WDR49: variants seen among roughly 807,000 people sequenced by gnomAD.
WDR49 encodes the protein WD repeat domain 49.
Under a neutral mutation model 119.5 loss-of-function variants are expected in WDR49, and 107 were observed. That is an observed-to-expected ratio of 0.90 (90% CI 0.77 to 1.05). The LOEUF is 1.05. WDR49 is among the 50% of genes least tolerant of loss of function. The pLI is 0.00. For synonymous variants in WDR49, 425 were observed against 418.8 expected (o/e 1.01, Z -0.18); for missense variants, 1,240 against 1,220.5 (o/e 1.02, Z -0.24).
chr3:167,563,937 C>T lies in WDR49; in HGVS notation c.1510-3709G>A, dbSNP rs74840429. Among the ~76,000 whole-genome samples, 754 of 152,154 alleles carry T rather than the reference C, an allele frequency of 5.0e-3. 7 individuals are homozygous for T. The highest frequency in any genetic ancestry group is 0.018 in the African/African-American group (729 of 41,516). ...ACCAAAAGATGATACTTTTTATTTCCCTAACAGAAATAAAAGAGCCATGTT... is the reference window on the plus strand; with the variant it reads ...ACCAAAAGATGATACTTTTTATTTCTCTAACAGAAATAAAAGAGCCATGTT... On this transcript the variant is annotated intron_variant, in intron 8 of 18. Transcript: ENST00000682715.
At chr3:167,569,056 C>G (rs2108277732) in intron 8 of WDR49, among the ~76,000 whole-genome samples, 1 of 152,178 alleles carries the variant, frequency 6.6e-6, no homozygotes, top group Middle Eastern at 3.4e-3. Flanking sequence ...AATTCTCTGC[C>G]TCCGCCTCCT....
At chr3:167,550,844 A>C (rs1402086102) in intron 10 of WDR49, among the ~76,000 whole-genome samples, 1 of 151,344 alleles carries the variant, frequency 6.6e-6, no homozygotes, top group Non-Finnish European at 1.5e-5. Context: ...GCAGGATAAA[A>C]TCTTAAATTC....
intron 18 of WDR49, 40 bp downstream of exon 18, chr3:167,500,113 G>C (rs1027397654): frequency 1.0e-5 from 15 of 1,493,118 alleles, no homozygotes; most frequent in African/African-American, 7.2e-5. Context: ...TAAGTTTCCT[G>C]AAGAGGGATA....
At chr3:167,509,660 C>T (rs1051657848) in intron 16 of WDR49, among the ~76,000 whole-genome samples, 8 of 152,034 alleles carry the variant, frequency 5.3e-5, no homozygotes, top group Non-Finnish European at 8.8e-5. Flanking sequence ...ACCCAAAGGC[C>T]TTTATGCCTT....
chr3:167,589,351 A>G (rs1714989702), intron 7 of WDR49, among the ~76,000 whole-genome samples: 1 of 152,116 alleles, frequency 6.6e-6, no homozygotes, highest in African/African-American at 2.4e-5. Flanking sequence ...TCCATAGTAT[A>G]ATTTGAAGTC....
intron 10 of WDR49, among the ~76,000 whole-genome samples, chr3:167,543,791 G>A (rs1339282795): frequency 2.6e-5 from 4 of 151,954 alleles, no homozygotes; most frequent in Admixed American, 1.3e-4. Context: ...TCCTACCAGA[G>A]CAATCAGACA....
intron 16 of WDR49, among the ~76,000 whole-genome samples, chr3:167,510,300 A>G (rs993149266): frequency 6.6e-6 from 1 of 152,202 alleles, no homozygotes; most frequent in African/African-American, 2.4e-5. Context: ...AATATTCTGA[A>G]ACTGTATTTT....
At chr3:167,597,274 T>C (rs1037082077) in intron 7 of WDR49, among the ~76,000 whole-genome samples, 14 of 152,210 alleles carry the variant, frequency 9.2e-5, no homozygotes, top group African/African-American at 3.4e-4. Flanking sequence ...GCTCCAAGCA[T>C]TGGCAGCTTC....
At chr3:167,518,960 G>A (rs542179339) in intron 16 of WDR49, among the ~76,000 whole-genome samples, 9 of 149,946 alleles carry the variant, frequency 6.0e-5, no homozygotes, top group Non-Finnish European at 1.3e-4. Context: ...TAAAAAGTGG[G>A]CAAAGACATA....
chr3:167,593,033 T>A (rs1353715906), intron 7 of WDR49, among the ~76,000 whole-genome samples: 2 of 152,212 alleles, frequency 1.3e-5, no homozygotes, highest in Non-Finnish European at 2.9e-5. Context: ...GGATTCTTTC[T>A]TTATCCTTGA....
At chr3:167,608,046 G>C (rs1016450931) in intron 5 of WDR49, among the ~76,000 whole-genome samples, 2 of 152,110 alleles carry the variant, frequency 1.3e-5, no homozygotes, top group Non-Finnish European at 2.9e-5. Flanking sequence ...AGTTTTATTA[G>C]AGAGCAATTA....
At chr3:167,629,437 G>A (rs1433468083) in intron 2 of WDR49, among the ~76,000 whole-genome samples, 1 of 152,086 alleles carries the variant, frequency 6.6e-6, no homozygotes, top group East Asian at 1.9e-4. Context: ...GGTGGCTCAA[G>A]AGCTCCAACG....
intron 2 of WDR49, chr3:167,633,484 T>C: frequency 2.2e-6 from 1 of 456,274 alleles, no homozygotes; most frequent in Non-Finnish European, 4.4e-6. Context: ...AGCTTCTGTC[T>C]TGTCTTTAGC....
At chr3:167,550,814 T>C (rs1019980756) in intron 10 of WDR49, among the ~76,000 whole-genome samples, 12 of 150,678 alleles carry the variant, frequency 8.0e-5, no homozygotes, top group African/African-American at 2.7e-4. Flanking sequence ...AAATATATTA[T>C]AAAATCATAG....
At chr3:167,653,155 C>A (rs1718468774) in intron 2 of WDR49, 106 bp downstream of exon 2, 1 of 1,258,424 alleles carries the variant, frequency 7.9e-7, no homozygotes, top group South Asian at 1.3e-5. Flanking sequence ...TCTGCTATAA[C>A]AATTAAGTGT....
At chr3:167,615,827 C>A (rs751792938) in intron 5 of WDR49, among the ~76,000 whole-genome samples, 3 of 152,196 alleles carry the variant, frequency 2.0e-5, no homozygotes, top group Non-Finnish European at 4.4e-5. Flanking sequence ...CCCATCTCAA[C>A]AAGACACTCA....
In WDR49 at chr3:167,536,989, A is replaced by C; in HGVS notation, c.1835T>G (p.Val612Gly). 6.3e-7 allele frequency: 1 copy of C among 1,586,450 alleles called. No individual in the cohort carries two copies. Among genetic ancestry groups the C allele is most frequent in the Non-Finnish European group, 8.6e-7 (1 of 1,166,724 alleles). Residue 612 changes from valine to glycine, a missense_variant, in exon 11 of 19, where the codon GTG (valine) becomes GGG (glycine). Coordinates refer to ENST00000682715, the MANE Select transcript of WDR49 (RefSeq NM_001366157.1). ...TTGATTGAAGTTTTGGGGTCGAAACACAGTAATAGCCCTAGCAAAAAGGAT... is the reference window on the plus strand; with the variant it reads ...TTGATTGAAGTTTTGGGGTCGAAACCCAGTAATAGCCCTAGCAAAAAGGAT... ...SWKTIGRAITVFRPQNFNQFF... is the reference protein window; with the variant it reads ...SWKTIGRAITGFRPQNFNQFF...
intron 10 of WDR49, among the ~76,000 whole-genome samples, chr3:167,549,296 T>G (rs1712401316): frequency 6.6e-6 from 1 of 152,200 alleles, no homozygotes; most frequent in Non-Finnish European, 1.5e-5. Context: ...TGAACTAGTT[T>G]ACAGTCCCAC....
chr3:167,572,388 A>G (rs780210623), intron 8 of WDR49, among the ~76,000 whole-genome samples: 1 of 152,252 alleles, frequency 6.6e-6, no homozygotes, highest in African/African-American at 2.4e-5. Context: ...TTGGGTCCCC[A>G]CTGAAGTCCA....
Sources: gnomAD v4.1 joint callset for allele counts (sites outside exome capture counted in the v4.1 genomes callset) on GRCh38, gnomAD v4.1.1 for gene constraint, MANE v1.5 for transcripts, NCBI Gene and HGNC (gene_info 2026-07-23, HGNC 2026-07-21) for gene names.